COL24A1: variants seen among roughly 807,000 people sequenced by gnomAD.
COL24A1 encodes collagen type XXIV alpha 1 chain, also known as collagen alpha-1(XXIV) chain.
A neutral mutation model predicts 253.9 loss-of-function variants in COL24A1; 224 were observed. The observed-to-expected ratio is 0.88, with a 90% confidence interval of 0.79 to 0.99. COL24A1 has a LOEUF of 0.99. COL24A1 is among the 50% of genes least tolerant of loss of function. The pLI is 0.00. For synonymous variants in COL24A1, 685 were observed against 673.7 expected, an observed-to-expected ratio of 1.02 and a Z score of -0.26; for missense variants, 2,131 against 2,068.5, an observed-to-expected ratio of 1.03 and a Z score of -0.59.
intron 3 of COL24A1, among the ~76,000 whole-genome samples, chr1:86,119,371 T>G (rs1289151290): frequency 6.6e-6 from 1 of 152,156 alleles, no homozygotes. Flanking sequence ...TTTAAGGGAA[T>G]GTGCAAGCCA....
chr1:86,039,005 A>G (rs752251120), intron 12 of COL24A1, among the ~76,000 whole-genome samples: 5 of 152,186 alleles, frequency 3.3e-5, no homozygotes, highest in Admixed American at 3.3e-4. Context: ...TTAAACCACC[A>G]ACTTAATTTG....
Position 86,089,193 on chromosome 1 carries a change from G to A in COL24A1, c.1688C>T (p.Pro563Leu). 3 of 1,584,148 alleles carry A rather than the reference G, an allele frequency of 1.9e-6. No homozygotes were observed. Among genetic ancestry groups the A allele is most frequent in the Non-Finnish European group, 2.6e-6 (3 of 1,171,744 alleles). The change falls in exon 7 of 60, where the codon CCT (proline) becomes CTT (leucine). Residue 563 changes from proline (P) to leucine (L), a missense_variant. Transcript: ENST00000370571. ...ACTTACCTTATCACCTTGCATACCA[G>A]GGGGGCCCATTAATCCAGAAAGGCC... is the stretch of plus-strand genomic sequence containing the variant. ...DQGLSGLMGPPGMQGDKGLKG... is the reference protein window; with the variant it reads ...DQGLSGLMGPLGMQGDKGLKG...
intron 2 of COL24A1, among the ~76,000 whole-genome samples, chr1:86,145,477 C>G (rs554639170): frequency 6.6e-6 from 1 of 150,720 alleles, no homozygotes; most frequent in Non-Finnish European, 1.5e-5. Flanking sequence ...CACTTTGATG[C>G]TACAGACATT....
At chr1:86,103,756 TA>T (rs1704681402) in intron 5 of COL24A1, among the ~76,000 whole-genome samples, 2 of 152,248 alleles carry the variant, frequency 1.3e-5, no homozygotes. Context: ...GGTCTGCTGT[TA>T]GTCTGATAGG....
intron 43 of COL24A1, among the ~76,000 whole-genome samples, chr1:85,824,894 A>G (rs1674060739): frequency 7.4e-6 from 1 of 134,626 alleles, no homozygotes; most frequent in African/African-American, 2.9e-5. Context: ...GGCTAACAAT[A>G]TTTATTCTTT....
At chr1:85,962,172 C>T (rs1037493945) in intron 23 of COL24A1, among the ~76,000 whole-genome samples, 1 of 152,138 alleles carries the variant, frequency 6.6e-6, no homozygotes, top group African/African-American at 2.4e-5. Flanking sequence ...ATACATGCCA[C>T]AGGTTAAGTA....
Position 85,737,388 on chromosome 1 carries a change from TA to T in COL24A1, c.4782+7del, listed in dbSNP as rs1371859438. On this transcript the variant is annotated splice_region_variant and intron_variant, in intron 58 of 59. Transcript: ENST00000370571. ...TAACGACATGTGTTCTAAAATTCAG[TA>T]ACATACCTTTGTTACAGAAACAGGA... 1.3e-6 allele frequency: 2 copies of T among 1,594,262 alleles called. No homozygotes were observed. The highest frequency in any genetic ancestry group is 2.2e-5 in the East Asian group (1 of 44,498).
chr1:85,958,028 C>T (rs976152917), intron 24 of COL24A1, among the ~76,000 whole-genome samples: 8 of 152,112 alleles, frequency 5.3e-5, no homozygotes, highest in African/African-American at 1.9e-4. Context: ...CAACAGCTAA[C>T]ATTTATCAAG....
intron 52 of COL24A1, among the ~76,000 whole-genome samples, chr1:85,779,385 A>G (rs1266040354): frequency 5.4e-5 from 8 of 149,394 alleles, no homozygotes; most frequent in Non-Finnish European, 1.0e-4. Flanking sequence ...ACTTTATGTC[A>G]TTTTTTTTTT....
At chr1:85,769,801 T>A (rs1279477558) in intron 53 of COL24A1, among the ~76,000 whole-genome samples, 2 of 152,180 alleles carry the variant, frequency 1.3e-5, no homozygotes, top group Non-Finnish European at 2.9e-5. Context: ...ATAGCATGAC[T>A]GGTACCACTA....
At chr1:85,997,516 G>C (rs140235669) in intron 19 of COL24A1, among the ~76,000 whole-genome samples, 204 of 152,220 alleles carry the variant, frequency 1.3e-3, no homozygotes, top group African/African-American at 4.8e-3. Context: ...CGGGCGCAGT[G>C]ACTCACACCT....
intron 24 of COL24A1, among the ~76,000 whole-genome samples, chr1:85,951,289 G>GT (rs1689892765): frequency 6.6e-6 from 1 of 151,942 alleles, no homozygotes; most frequent in Middle Eastern, 3.2e-3. Flanking sequence ...GCTAAGAACC[G>GT]TAATAGTGTA....
chr1:85,766,390 AGAAAG>A (rs1318733841), intron 53 of COL24A1, among the ~76,000 whole-genome samples: 11 of 37,366 alleles, frequency 2.9e-4, no homozygotes, highest in South Asian at 1.2e-3. Context: ...AAAAAAAAAA[AGAAAG>A]AAAGAAAGAA....
At chr1:86,081,989 T>C (rs1354383088) in intron 7 of COL24A1, among the ~76,000 whole-genome samples, 3 of 152,184 alleles carry the variant, frequency 2.0e-5, no homozygotes, top group Non-Finnish European at 2.9e-5. Flanking sequence ...GAAGAACTTA[T>C]ATTCATGGGG....
intron 11 of COL24A1, among the ~76,000 whole-genome samples, chr1:86,047,617 T>C (rs114798873): frequency 7.6e-4 from 115 of 152,152 alleles, no homozygotes; most frequent in African/African-American, 2.5e-3. Flanking sequence ...TATACACACA[T>C]ATATATGTTT....
At chr1:85,915,484 A>C (rs1052851145) in intron 24 of COL24A1, among the ~76,000 whole-genome samples, 1 of 152,132 alleles carries the variant, frequency 6.6e-6, no homozygotes, top group Non-Finnish European at 1.5e-5. Context: ...TCTTTATAAT[A>C]AATCAATCTA....
At chr1:85,975,874 A>G (rs1308793820) in intron 20 of COL24A1, among the ~76,000 whole-genome samples, 1 of 152,102 alleles carries the variant, frequency 6.6e-6, no homozygotes, top group Non-Finnish European at 1.5e-5. Context: ...ATTACAGGAG[A>G]AGGATTTAAC....
Position 86,031,871 on chromosome 1 carries a change from T to C in COL24A1, c.2049+7A>G, listed in dbSNP as rs760506321. 3 of 1,599,480 alleles carry C rather than the reference T, an allele frequency of 1.9e-6. No individual in the cohort carries two copies. The highest frequency in any genetic ancestry group is 2.7e-5 in the African/African-American group (2 of 74,282). ...TCTTAAGAATGATGATATTTAGTGA[T>C]ACTCACTCTAAGCCCAGGAAACCCC... On this transcript the variant is annotated splice_region_variant and intron_variant, in intron 14 of 59. Coordinates refer to ENST00000370571, the MANE Select transcript of COL24A1 (RefSeq NM_152890.7).
At chr1:85,911,491 C>A in intron 24 of COL24A1, 58 bp from the exon 25 acceptor site, 1 of 1,343,228 alleles carries the variant, frequency 7.4e-7, no homozygotes, top group South Asian at 1.2e-5. Flanking sequence ...ATTGTAGTGC[C>A]TGGGTCTTAA....
Sources: allele counts gnomAD v4.1 joint callset (sites outside exome capture counted in the v4.1 genomes callset), GRCh38; gene constraint gnomAD v4.1.1; transcripts MANE v1.5; gene names NCBI Gene and HGNC (gene_info 2026-07-23, HGNC 2026-07-21).